Variants in KIR2DL1 observed in about 807,000 individuals in gnomAD.
The protein encoded by KIR2DL1 is killer cell immunoglobulin like receptor, two Ig domains and long cytoplasmic tail 1.
In KIR2DL1, 38 loss-of-function variants were observed where a neutral mutation model predicts 33.9. The observed-to-expected ratio is 1.12, with a 90% CI of 0.86 to 1.47. The LOEUF is 1.47. KIR2DL1 is among the 40% of genes most tolerant of loss of function. The pLI, the probability that KIR2DL1 is intolerant of heterozygous loss-of-function variation, is 0.00. For missense variants in KIR2DL1, 531 were observed against 433.9 expected, an observed-to-expected ratio of 1.22 and a Z score of -1.99; for synonymous variants, 179 against 165.9, an observed-to-expected ratio of 1.08 and a Z score of -0.61.
intron 6 of KIR2DL1, among the ~76,000 whole-genome samples, 199 bp from the exon 7 acceptor site, chr19:54,783,287 A>G (rs1281392433): frequency 6.6e-5 from 10 of 151,896 alleles, no homozygotes; most frequent in South Asian, 6.2e-4. Context: ...AAAGTGGGAG[A>G]CAGAATCAAT....
At position 54,783,862 on chromosome 19, in the gene KIR2DL1, G is replaced by A. The variant is rs1379337125; in HGVS notation, c.*49G>A. The stretch of plus-strand genomic sequence containing the variant: ...CGTCTTCTAGGGAGACAACAGCCCT[G>A]TCTCAAAACCGGGTTGCCAGCTCCC... On this transcript the variant is annotated 3_prime_UTR_variant, in exon 8 of 8. Transcript: ENST00000336077. The A allele has an allele frequency of 2.5e-6, 4 of 1,613,422 alleles. No individual in the cohort carries two copies. The highest frequency in any genetic ancestry group is 3.4e-6 in the Non-Finnish European group (4 of 1,179,540).
In KIR2DL1 at chr19:54,775,413, T is replaced by C. The variant is rs1343494947; in HGVS notation, c.619T>C (p.Tyr207His). The C allele has an allele frequency of 5.7e-6, 9 of 1,584,592 alleles. No individual in the cohort carries two copies. The highest frequency in any genetic ancestry group is 1.7e-4 in the Middle Eastern group (1 of 5,992). Residue 207 changes from tyrosine (Y) to histidine (H), a missense_variant, in exon 4 of 8, where the codon TAC becomes CAC. Physicochemically the swap from Tyr to His is moderately conservative, Grantham distance 83. Coordinates refer to ENST00000336077, the MANE Select transcript of KIR2DL1 (RefSeq NM_014218.3). ...CTTCGGCTCTTTCCATGACTCTCCA[T>C]ACGAGTGGTCAAAGTCAAGTGACCC... The part of the protein sequence containing the change: ...RCFGSFHDSP[Y>H]EWSKSSDPLL...
chr19:54,773,678 T>C lies in KIR2DL1; in HGVS notation c.370+46T>C, dbSNP rs567991247. On this transcript the variant is annotated intron_variant, in intron 3 of 7. Coordinates refer to ENST00000336077, the MANE Select transcript of KIR2DL1 (RefSeq NM_014218.3). Reference sequence around the variant, plus strand: ...TTCTCATTGTCATTGGGATGCAGAGTGAATGATCCAGGAATTGGAGACCCA... The same window carrying C: ...TTCTCATTGTCATTGGGATGCAGAGCGAATGATCCAGGAATTGGAGACCCA... The C allele has an allele frequency of 4.1e-5, 62 of 1,522,332 alleles. 5 individuals are homozygous for C. The East Asian group carries it at 1.4e-3, about 34-fold the overall frequency. The allele number at this position is 1,522,332 out of a possible 1,614,324, so 94.3% of individuals were successfully genotyped here.
chr19:54,771,709 C>T (rs1257078356), intron 2 of KIR2DL1, among the ~76,000 whole-genome samples: 1 of 148,242 alleles, frequency 6.7e-6, no homozygotes, highest in African/African-American at 2.5e-5. Context: ...GGTTTAACAA[C>T]TTCAGTCTGT....
At position 54,784,157 on chromosome 19, in the gene KIR2DL1, C is replaced by T. The variant is rs1367425080; in HGVS notation, c.*344C>T. 1.8e-5 allele frequency: 9 copies of T among 491,210 alleles called. No individual in the cohort carries two copies. The highest frequency in any genetic ancestry group is 1.1e-4 in the Admixed American group (3 of 28,218). The allele number at this position is 491,210 out of a possible 1,614,324, so 30.4% of individuals were successfully genotyped here. On this transcript the variant is annotated 3_prime_UTR_variant, in exon 8 of 8. Coordinates refer to ENST00000336077, the MANE Select transcript of KIR2DL1 (RefSeq NM_014218.3). The stretch of plus-strand genomic sequence containing the variant: ...CTCACAATTCCAAACATACAAGAGG[C>T]TCCCTCTTAACGCAGCACTTAGACA...
At chr19:54,777,393 A>T (rs2076477099) in intron 4 of KIR2DL1, among the ~76,000 whole-genome samples, 1 of 148,514 alleles carries the variant, frequency 6.7e-6, no homozygotes, top group Non-Finnish European at 1.5e-5. Flanking sequence ...ACCCGGCCTA[A>T]AAGCCATTTT....
At chr19:54,783,416 G>A in intron 6 of KIR2DL1, 70 bp from the exon 7 acceptor site, 1 of 1,549,844 alleles carries the variant, frequency 6.5e-7, no homozygotes, top group Non-Finnish European at 8.9e-7. Context: ...CCTGTATGTT[G>A]GTATCTGCTT....
In KIR2DL1 at chr19:54,783,558, G is replaced by T; in HGVS notation, c.870+20G>T. 6.2e-7 allele frequency: 1 copy of T among 1,613,874 alleles called. No homozygotes were observed. Among genetic ancestry groups the T allele is most frequent in the Non-Finnish European group, 8.5e-7 (1 of 1,179,930 alleles). On this transcript the variant is annotated intron_variant, in intron 7 of 7. Coordinates refer to ENST00000336077, the MANE Select transcript of KIR2DL1 (RefSeq NM_014218.3). ...AGCGAGGTAGGTACTCCTCGGCCCG[G>T]GCTCGTGGCTACTGTTATTCCCAAA...
rs2076310513 is a variant in KIR2DL1, at chr19:54,776,178, C to CTG, written c.664+720_664+721insTG. ...GTGCTGGGATTACAGGCATGGGCCA[C>CTG]CAGGCCCAGCCACATTTACCATTTT... On this transcript the variant is annotated intron_variant, in intron 4 of 7. Transcript: ENST00000336077. 1.5e-3 allele frequency among the ~76,000 whole-genome samples: 214 copies of CTG among 143,696 alleles called. 2 individuals are homozygous for CTG. Among genetic ancestry groups the CTG allele is most frequent in the Non-Finnish European group, 1.9e-3 (125 of 64,328 alleles). 94.3% of individuals were successfully genotyped at this position (143,696 alleles called of 152,430 possible).
rs565929835 is a variant in KIR2DL1, at chr19:54,782,708, A to T, written c.716-214A>T. Among the ~76,000 whole-genome samples the T allele has an allele frequency of 2.8e-3, 433 of 151,984 alleles. 1 individual carries two copies. Among genetic ancestry groups the T allele is most frequent in the African/African-American group, 0.01 (415 of 41,488 alleles). Reference sequence around the variant, plus strand: ...TCAATGTGAGGTTTGAAGGGGTCAAACATCTCAACTAAAGTAGTCGTATCC... The same window carrying T: ...TCAATGTGAGGTTTGAAGGGGTCAATCATCTCAACTAAAGTAGTCGTATCC... On this transcript the variant is annotated intron_variant, in intron 5 of 7. Transcript: ENST00000336077.
chr19:54,783,280 G>A (rs1282436510), intron 6 of KIR2DL1, among the ~76,000 whole-genome samples: 3 of 151,832 alleles, frequency 2.0e-5, no homozygotes, highest in Non-Finnish European at 4.4e-5. Flanking sequence ...CAGGCAGAAA[G>A]TGGGAGACAG....
In KIR2DL1 at chr19:54,773,564, A is replaced by G. The variant is rs1325687149; in HGVS notation, c.302A>G (p.Tyr101Cys). The change falls in exon 3 of 8, where the codon TAC (tyrosine) becomes TGC (cysteine). Residue 101 changes from tyrosine to cysteine, a missense_variant. By Grantham distance (194) the Tyr-to-Cys change is radical. Transcript: ENST00000336077. ...GACCTGGCAGGGACCTACAGATGCT[A>G]CGGTTCTGTTACTCACTCCCCCTAT... ...TQDLAGTYRC[Y>C]GSVTHSPYQV... The G allele has an allele frequency of 4.9e-5, 77 of 1,581,670 alleles. 5 individuals are homozygous for G. Among genetic ancestry groups the G allele is most frequent in the Middle Eastern group, 1.7e-4 (1 of 5,998 alleles).
chr19:54,782,071 C>T (rs1403485690), intron 5 of KIR2DL1, among the ~76,000 whole-genome samples: 4 of 151,976 alleles, frequency 2.6e-5, no homozygotes, highest in Non-Finnish European at 5.9e-5. Flanking sequence ...CAATGTGACC[C>T]AGTCCCTCAA....
In KIR2DL1 at chr19:54,775,219, G is replaced by A. The variant is rs760031351; in HGVS notation, c.425G>A (p.Gly142Glu). 3.7e-6 allele frequency: 6 copies of A among 1,601,776 alleles called. No homozygotes were observed. The highest frequency in any genetic ancestry group is 5.1e-6 in the Non-Finnish European group (6 of 1,171,326). The change falls in exon 4 of 8, where the codon GGA becomes GAA. Residue 142 changes from glycine (G) to glutamate (E), a missense_variant. Gly to Glu is a moderately conservative substitution (Grantham distance 98). Coordinates refer to ENST00000336077, the MANE Select transcript of KIR2DL1 (RefSeq NM_014218.3). ...SAQLGPTVLA[G>E]ENVTLSCSSR... ...CAGCTGGGCCCCACGGTTCTGGCAG[G>A]AGAGAATGTGACCTTGTCCTGCAGC... is the stretch of plus-strand genomic sequence containing the variant.
chr19:54,773,666 T>G (rs762480735), intron 3 of KIR2DL1, 34 bp downstream of exon 3: 2 of 1,542,074 alleles, frequency 1.3e-6, no homozygotes, highest in East Asian at 2.3e-5. Context: ...TCATTGTCAT[T>G]GGGATGCAGA....
rs670771 is a variant in KIR2DL1 at position 54,783,479 on chromosome 19, T to C, written c.818-7T>C. On this transcript the variant is annotated splice_polypyrimidine_tract_variant and splice_region_variant and intron_variant, in intron 6 of 7. Coordinates refer to ENST00000336077, the MANE Select transcript of KIR2DL1 (RefSeq NM_014218.3). ...CGAGCTGTTTTGTTGACTTCCATCTTCTACAGATGCTGCGGTAATGGACCA... is the reference window on the plus strand; with the variant it reads ...CGAGCTGTTTTGTTGACTTCCATCTCCTACAGATGCTGCGGTAATGGACCA... 356,175 of 1,483,766 alleles carry C rather than the reference T, an allele frequency of 0.24. 22,933 individuals carry two copies. The highest frequency in any genetic ancestry group is 0.31 in the South Asian group (26,423 of 84,492). 91.9% of individuals were successfully genotyped at this position (1,483,766 alleles called of 1,614,324 possible). A position where few individuals can be genotyped will look rare whatever the true frequency, so the allele number is the denominator to read the frequency against.
intron 2 of KIR2DL1, among the ~76,000 whole-genome samples, chr19:54,772,583 T>G (rs1396441425): frequency 6.8e-6 from 1 of 146,064 alleles, no homozygotes; most frequent in Non-Finnish European, 1.5e-5. Flanking sequence ...CAGGTGCATG[T>G]AATCCTAGCG....
intron 1 of KIR2DL1, among the ~76,000 whole-genome samples, chr19:54,770,415 T>C (rs1488803779): frequency 6.4e-5 from 9 of 141,538 alleles, no homozygotes; most frequent in African/African-American, 1.6e-4. Context: ...AGGATGGAGA[T>C]ACGGGCCTGG....
At chr19:54,783,410 T>G in intron 6 of KIR2DL1, 76 bp from the exon 7 acceptor site, 2 of 1,518,612 alleles carry the variant, frequency 1.3e-6, no homozygotes, top group Non-Finnish European at 1.8e-6. Flanking sequence ...TCTCCCCCTG[T>G]ATGTTGGTAT....
Sources: gnomAD v4.1 joint callset for allele counts (sites outside exome capture counted in the v4.1 genomes callset) on GRCh38, gnomAD v4.1.1 for gene constraint, MANE v1.5 for transcripts, NCBI Gene and HGNC (gene_info 2026-07-23, HGNC 2026-07-21) for gene names.